The following FRMD6 variants were observed in gnomAD, a reference collection of about 807,000 sequenced individuals.
FRMD6 encodes FERM domain containing 6.
In FRMD6, 37 loss-of-function variants were observed where a neutral mutation model predicts 73.2. The observed-to-expected ratio is 0.51, with a 90% CI of 0.39 to 0.66. The LOEUF is 0.66. Among genes scored for constraint, FRMD6 ranks in the 30% least tolerant of loss-of-function variants. The probability of loss-of-function intolerance (pLI) is 0.00; values close to 1 mark genes in which losing one functional copy is unlikely to be tolerated. For missense variants in FRMD6, 714 were observed against 780.5 expected (o/e 0.91, Z 1.02); for synonymous variants, 273 against 282.2 (o/e 0.97, Z 0.33).
chr14:51,654,211 C>T (rs1230803590), intron 1 of FRMD6, among the ~76,000 whole-genome samples: 2 of 149,876 alleles, frequency 1.3e-5, no homozygotes, highest in African/African-American at 4.9e-5. Context: ...TGGATGAAGA[C>T]GCTGCTTTTG....
At chr14:51,417,846 AT>A in the FRMD6 span, among the ~76,000 whole-genome samples, 14 of 151,050 alleles carry the variant, frequency 9.3e-5, no homozygotes, top group African/African-American at 3.4e-4. Context: ...GGCTTTGTTC[AT>A]TTTTTTTTAC....
intron 1 of FRMD6, among the ~76,000 whole-genome samples, chr14:51,557,035 C>T (rs1596593637): frequency 6.6e-6 from 1 of 152,060 alleles, no homozygotes; most frequent in South Asian, 2.1e-4. Flanking sequence ...GCCTATAATC[C>T]CAGCTATTCT....
In FRMD6 at chr14:51,702,821, T is replaced by A. The variant is rs185493869; in HGVS notation, c.371+233T>A. Among the ~76,000 whole-genome samples, 4 of 152,136 alleles carry A rather than the reference T, an allele frequency of 2.6e-5. No individual in the cohort carries two copies. In the East Asian group the frequency reaches 7.7e-4, roughly 29 times the overall value. ...TTTGTTAAATGAAAGAATGTTAGACTGTTGATAAAAATATTAACAGTATCT... is the reference window on the plus strand; with the variant it reads ...TTTGTTAAATGAAAGAATGTTAGACAGTTGATAAAAATATTAACAGTATCT... On this transcript the variant is annotated intron_variant, in intron 5 of 13. Transcript: ENST00000344768.
the FRMD6 span, among the ~76,000 whole-genome samples, chr14:51,441,820 T>C: frequency 3.1e-4 from 48 of 152,382 alleles, no homozygotes; most frequent in Middle Eastern, 0.01. Context: ...GGGAATAATA[T>C]AATGATGCAA....
At chr14:51,518,877 T>C (rs928796021) in intron 1 of FRMD6, among the ~76,000 whole-genome samples, 1 of 152,222 alleles carries the variant, frequency 6.6e-6, no homozygotes, top group East Asian at 1.9e-4. Context: ...ATTATGCATG[T>C]AATTCTGAAT....
chr14:51,583,797 A>G (rs757209282), intron 2 of FRMD6, among the ~76,000 whole-genome samples: 5 of 152,216 alleles, frequency 3.3e-5, no homozygotes. Flanking sequence ...TTAGTGGACA[A>G]CTTGGTTCTG....
chr14:51,677,486 C>G (rs1005291206), intron 1 of FRMD6, among the ~76,000 whole-genome samples: 1 of 151,938 alleles, frequency 6.6e-6, no homozygotes, highest in Non-Finnish European at 1.5e-5. Context: ...GAGGATTTTC[C>G]CTGAGAACAG....
the FRMD6 span, among the ~76,000 whole-genome samples, chr14:51,413,472 C>T: frequency 4.2e-3 from 632 of 152,282 alleles, 5 homozygotes; most frequent in African/African-American, 0.015. Flanking sequence ...ATCCGTGTCC[C>T]TGCAAAGGAC....
chr14:51,452,296 G>A, the FRMD6 span, among the ~76,000 whole-genome samples: 621 of 152,282 alleles, frequency 4.1e-3, 2 homozygotes, highest in African/African-American at 0.014. Flanking sequence ...AATGATGAGT[G>A]GATGGTGGCT....
At chr14:51,506,347 G>T (rs946028578) in intron 1 of FRMD6, among the ~76,000 whole-genome samples, 12 of 152,248 alleles carry the variant, frequency 7.9e-5, no homozygotes, top group African/African-American at 2.9e-4. Context: ...CTAATGTTTG[G>T]CAAGTGTCTG....
At position 51,689,894 on chromosome 14, in the gene FRMD6, A is replaced by C; in HGVS notation, c.58A>C (p.Ile20Leu). ...CATGCAAGACCGCCGCAGTGTGTGC[A>C]TTTTCCTTCCCAACGATGAATCTCT... is the stretch of plus-strand genomic sequence containing the variant. Reference protein sequence around the residue: ...RVMQDRRSVCIFLPNDESLNI... With the variant: ...RVMQDRRSVCLFLPNDESLNI... The change falls in exon 2 of 14, where the codon ATT (isoleucine) becomes CTT (leucine). Residue 20 changes from isoleucine to leucine, a missense_variant. By Grantham distance (5) the Ile-to-Leu change is conservative. Transcript: ENST00000344768. 1 of 1,613,286 alleles carries C rather than the reference A, an allele frequency of 6.2e-7. No individual in the cohort carries two copies. The highest frequency in any genetic ancestry group is 1.1e-5 in the South Asian group (1 of 91,070).
chr14:51,545,154 A>G (rs1303384166), intron 1 of FRMD6, among the ~76,000 whole-genome samples: 1 of 152,102 alleles, frequency 6.6e-6, no homozygotes, highest in African/African-American at 2.4e-5. Flanking sequence ...TATCTTCAAA[A>G]CATTCTGTAG....
At chr14:51,674,264 T>C (rs1894226848) in intron 1 of FRMD6, among the ~76,000 whole-genome samples, 1 of 152,172 alleles carries the variant, frequency 6.6e-6, no homozygotes, top group Admixed American at 6.5e-5. Context: ...GTGAAAGTCA[T>C]GAAGGAATAT....
intron 2 of FRMD6, among the ~76,000 whole-genome samples, chr14:51,616,177 G>A (rs1890701984): frequency 6.6e-6 from 1 of 152,186 alleles, no homozygotes; most frequent in Non-Finnish European, 1.5e-5. Context: ...GTAGTTGACA[G>A]CCTTCCATTT....
chr14:51,652,154 C>T (rs1892454802), intron 1 of FRMD6, 158 bp downstream of exon 1: 1 of 152,248 alleles, frequency 6.6e-6, no homozygotes, highest in African/African-American at 2.4e-5. Flanking sequence ...AGGCAGTGCA[C>T]CGCTCTCCGC....
intron 1 of FRMD6, among the ~76,000 whole-genome samples, chr14:51,506,653 C>G (rs1883978935): frequency 6.6e-6 from 1 of 151,830 alleles, no homozygotes; most frequent in African/African-American, 2.4e-5. Flanking sequence ...AAGAAGATGA[C>G]AGGATTTGAC....
At position 51,720,044 on chromosome 14, in the gene FRMD6, C is replaced by T. The variant is rs779344070; in HGVS notation, c.1025-11C>T. On this transcript the variant is annotated splice_polypyrimidine_tract_variant and intron_variant, in intron 10 of 13. Coordinates refer to ENST00000344768, the MANE Select transcript of FRMD6 (RefSeq NM_001267046.2). ...TGTCTTGGTTAATGAACTGTGTTCCCCACCACGTAGAGAAGAAGCAGTACC... is the reference window on the plus strand; with the variant it reads ...TGTCTTGGTTAATGAACTGTGTTCCTCACCACGTAGAGAAGAAGCAGTACC... The T allele has an allele frequency of 2.7e-5, 43 of 1,599,690 alleles. No individual in the cohort carries two copies. The highest frequency in any genetic ancestry group is 3.7e-5 in the Non-Finnish European group (43 of 1,171,352).
intron 1 of FRMD6, among the ~76,000 whole-genome samples, chr14:51,545,809 T>G (rs530415440): frequency 3.3e-5 from 5 of 152,306 alleles, no homozygotes; most frequent in African/African-American, 1.2e-4. Context: ...TATGTTTGTT[T>G]GCTTTTGTCC....
chr14:51,402,557 T>G, the FRMD6 span, among the ~76,000 whole-genome samples: 1 of 152,218 alleles, frequency 6.6e-6, no homozygotes, highest in African/African-American at 2.4e-5. Flanking sequence ...ATTGTGAGGC[T>G]TCCCCAGCCA....
Sources: gnomAD v4.1 joint callset for allele counts (sites outside exome capture counted in the v4.1 genomes callset) on GRCh38, gnomAD v4.1.1 for gene constraint, MANE v1.5 for transcripts, NCBI Gene and HGNC (gene_info 2026-07-23, HGNC 2026-07-21) for gene names.